NDST3: variants seen among roughly 807,000 people sequenced by gnomAD.
The protein encoded by NDST3 is N-deacetylase and N-sulfotransferase 3, also known as bifunctional heparan sulfate N-deacetylase/N-sulfotransferase 3.
In NDST3, 58 loss-of-function variants were observed where a neutral mutation model predicts 96.1. The observed-to-expected ratio is 0.60, with a 90% confidence interval of 0.49 to 0.75. The LOEUF is 0.75. NDST3 is among the 30% of genes least tolerant of loss of function. NDST3 has a pLI of 0.00. For missense variants in NDST3, 788 were observed against 1,034.2 expected (o/e 0.76, Z 3.27); for synonymous variants, 333 against 359.7 (o/e 0.93, Z 0.84).
At chr4:118,218,685 G>A (rs766950677) in intron 6 of NDST3, among the ~76,000 whole-genome samples, 1 of 151,914 alleles carries the variant, frequency 6.6e-6, no homozygotes. Flanking sequence ...TTGGAAGTTC[G>A]GCCCAAGGCA....
intron 6 of NDST3, among the ~76,000 whole-genome samples, chr4:118,167,481 C>T (rs1224971652): frequency 1.3e-5 from 2 of 151,856 alleles, no homozygotes; most frequent in African/African-American, 4.8e-5. Flanking sequence ...AATGTCCATA[C>T]TACTCAAAGT....
chr4:118,250,050 T>C (rs1203961449), intron 12 of NDST3, among the ~76,000 whole-genome samples: 4 of 152,230 alleles, frequency 2.6e-5, no homozygotes, highest in Non-Finnish European at 4.4e-5. Flanking sequence ...AATTCTTTTT[T>C]ATTGTTATAT....
At chr4:118,247,315 G>A (rs1741380765) in intron 12 of NDST3, among the ~76,000 whole-genome samples, 1 of 152,116 alleles carries the variant, frequency 6.6e-6, no homozygotes, top group Non-Finnish European at 1.5e-5. Flanking sequence ...ACTTTGGGAG[G>A]CCGAGGCAGG....
chr4:118,111,586 G>A (rs1224656476), intron 3 of NDST3, among the ~76,000 whole-genome samples: 1 of 150,938 alleles, frequency 6.6e-6, no homozygotes, highest in Non-Finnish European at 1.5e-5. Context: ...ACCCAGGCTG[G>A]AGTGTAGCGA....
chr4:118,069,770 T>C (rs140404786), intron 2 of NDST3, among the ~76,000 whole-genome samples: 4 of 151,524 alleles, frequency 2.6e-5, no homozygotes, highest in East Asian at 3.9e-4. Context: ...CTTTTGAGAA[T>C]TGTTTCTTGT....
chr4:118,194,126 A>C, intron 6 of NDST3: 1 of 1,111,976 alleles, frequency 9.0e-7, no homozygotes, highest in Non-Finnish European at 1.4e-6. Context: ...TTTGAGGTAC[A>C]CAATGGAATG....
intron 10 of NDST3, among the ~76,000 whole-genome samples, chr4:118,240,196 G>C (rs923731979): frequency 2.0e-5 from 3 of 151,908 alleles, no homozygotes; most frequent in Non-Finnish European, 2.9e-5. Context: ...GAGCTGGAAA[G>C]AGGGCATTAA....
chr4:118,175,702 A>G (rs529104628), intron 6 of NDST3, among the ~76,000 whole-genome samples: 5 of 152,220 alleles, frequency 3.3e-5, no homozygotes, highest in Admixed American at 6.5e-5. Flanking sequence ...AAAAACCTCA[A>G]TTGTGTGGTT....
intron 2 of NDST3, among the ~76,000 whole-genome samples, chr4:118,065,321 A>G (rs1208483514): frequency 6.6e-6 from 1 of 152,112 alleles, no homozygotes; most frequent in Non-Finnish European, 1.5e-5. Flanking sequence ...ATTACTCTAG[A>G]TCTCTGAGTC....
At chr4:118,131,717 G>A (rs759310038) in intron 4 of NDST3, among the ~76,000 whole-genome samples, 6 of 151,986 alleles carry the variant, frequency 3.9e-5, no homozygotes, top group East Asian at 1.9e-4. Context: ...TGCAGTCTGG[G>A]CTTGTTTGTG....
intron 6 of NDST3, among the ~76,000 whole-genome samples, chr4:118,170,232 G>A (rs1396699923): frequency 2.6e-5 from 4 of 152,132 alleles, no homozygotes; most frequent in Admixed American, 6.5e-5. Flanking sequence ...TGAGGCAGTT[G>A]GGGAAATTTA....
rs1000320966 is a variant in NDST3 at position 118,215,390 on chromosome 4, T to C, written c.1540-9101T>C. Among the ~76,000 whole-genome samples, 27 of 152,244 alleles carry C rather than the reference T, an allele frequency of 1.8e-4. No individual in the cohort carries two copies. The East Asian group carries it at 5.0e-3, about 28-fold the overall frequency. On this transcript the variant is annotated intron_variant, in intron 6 of 13. Transcript: ENST00000296499. ...ACCCAATGACTACCAAGTATCCATA[T>C]GTAGCTACGAGGCTATTGCTTACCT...
chr4:118,063,400 T>C (rs762467512), intron 2 of NDST3, among the ~76,000 whole-genome samples: 1 of 152,136 alleles, frequency 6.6e-6, no homozygotes, highest in Non-Finnish European at 1.5e-5. Flanking sequence ...AATAATGTCA[T>C]AAGATTTCAA....
Position 118,240,364 on chromosome 4 carries a change from C to A in NDST3, c.2119-160C>A, listed in dbSNP as rs555478120. Among the ~76,000 whole-genome samples, 40 of 152,278 alleles carry A rather than the reference C, an allele frequency of 2.6e-4. 2 individuals carry two copies. The South Asian group carries it at 8.3e-3, about 32-fold the overall frequency. On this transcript the variant is annotated intron_variant, in intron 10 of 13. Transcript: ENST00000296499. ...AGTATCATAACTTTAAATCCTGATG[C>A]TCCAAGCAAACATTTTCTTCCTTTA...
chr4:118,049,964 C>G (rs937196410), intron 1 of NDST3, among the ~76,000 whole-genome samples: 2 of 152,028 alleles, frequency 1.3e-5, no homozygotes, highest in African/African-American at 4.8e-5. Context: ...CTCCGATGAA[C>G]ATAGATGCAG....
intron 4 of NDST3, among the ~76,000 whole-genome samples, chr4:118,137,429 T>C (rs1176018170): frequency 1.3e-5 from 2 of 152,072 alleles, no homozygotes; most frequent in Non-Finnish European, 1.5e-5. Context: ...TTTGGCTGTT[T>C]CAGTACCTTC....
intron 6 of NDST3, among the ~76,000 whole-genome samples, chr4:118,176,825 T>C (rs1202274791): frequency 6.6e-6 from 1 of 152,062 alleles, no homozygotes; most frequent in Non-Finnish European, 1.5e-5. Context: ...ATCTGGAAAA[T>C]AATCAATGGA....
chr4:118,048,114 A>T (rs541728691), intron 1 of NDST3, among the ~76,000 whole-genome samples: 1 of 152,350 alleles, frequency 6.6e-6, no homozygotes, highest in African/African-American at 2.4e-5. Flanking sequence ...CAAGAACTTC[A>T]TATGGCACCA....
At chr4:118,043,784 G>A (rs1724599640) in intron 1 of NDST3, among the ~76,000 whole-genome samples, 1 of 152,208 alleles carries the variant, frequency 6.6e-6, no homozygotes. Context: ...AGAAAGCTCT[G>A]AGAATCTGCA....
Sources: allele counts gnomAD v4.1 joint callset (sites outside exome capture counted in the v4.1 genomes callset), GRCh38; gene constraint gnomAD v4.1.1; transcripts MANE v1.5; gene names NCBI Gene and HGNC (gene_info 2026-07-23, HGNC 2026-07-21).